WWOX: variants seen among roughly 807,000 people sequenced by gnomAD.
WWOX encodes WW domain-containing oxidoreductase.
In WWOX, 69 loss-of-function variants were observed where a neutral mutation model predicts 46.2. That is an observed-to-expected ratio of 1.49 (90% CI 1.23 to 1.82). WWOX has a LOEUF of 1.82. WWOX is among the 40% of genes most tolerant of loss of function. The pLI is 0.00. For synonymous variants in WWOX, 359 were observed against 202.6 expected, an observed-to-expected ratio of 1.77 and a Z score of -6.56; for missense variants, 919 against 542.6, an observed-to-expected ratio of 1.69 and a Z score of -6.89.
At chr16:78,942,990 A>G (rs770650736) in intron 8 of WWOX, among the ~76,000 whole-genome samples, 3 of 152,230 alleles carry the variant, frequency 2.0e-5, no homozygotes, top group Non-Finnish European at 4.4e-5. Context: ...TATCAGATCA[A>G]CTTTGAATGA....
chr16:79,152,033 G>C (rs899564995), intron 8 of WWOX, among the ~76,000 whole-genome samples: 1 of 152,122 alleles, frequency 6.6e-6, no homozygotes, highest in Non-Finnish European at 1.5e-5. Context: ...AGCAGAAGTT[G>C]GGAATCATAG....
chr16:78,987,268 T>G (rs551913955), intron 8 of WWOX, among the ~76,000 whole-genome samples: 6 of 152,224 alleles, frequency 3.9e-5, no homozygotes, highest in Non-Finnish European at 7.3e-5. Context: ...ATTGATTGCT[T>G]TAGGTTCCAT....
chr16:78,719,065 G>T (rs141836355), intron 8 of WWOX, among the ~76,000 whole-genome samples: 1 of 152,178 alleles, frequency 6.6e-6, no homozygotes, highest in South Asian at 2.1e-4. Context: ...CAGAGCTAAA[G>T]GGTATTGGTG....
chr16:78,375,707 G>A (rs764909084), intron 5 of WWOX, among the ~76,000 whole-genome samples: 3 of 151,944 alleles, frequency 2.0e-5, no homozygotes, highest in Non-Finnish European at 4.4e-5. Context: ...TCTACTTCCA[G>A]GAATTCATCT....
At chr16:78,859,409 A>T (rs942206356) in intron 8 of WWOX, among the ~76,000 whole-genome samples, 171 of 152,104 alleles carry the variant, frequency 1.1e-3, no homozygotes, top group African/African-American at 4.0e-3. Context: ...TACTTTTGGG[A>T]ATCTTACCAG....
At chr16:78,333,494 T>C (rs1350397154) in intron 5 of WWOX, among the ~76,000 whole-genome samples, 3 of 152,180 alleles carry the variant, frequency 2.0e-5, no homozygotes, top group African/African-American at 7.2e-5. Flanking sequence ...TAAAAAATAT[T>C]TTGACAGAAT....
At chr16:78,958,812 G>A (rs1035413768) in intron 8 of WWOX, among the ~76,000 whole-genome samples, 16 of 152,286 alleles carry the variant, frequency 1.1e-4, no homozygotes, top group Middle Eastern at 3.4e-3. Context: ...GGGGTAGTGG[G>A]CACAGGGGAA....
chr16:78,316,082 C>A (rs374099270), intron 5 of WWOX, among the ~76,000 whole-genome samples: 2 of 150,582 alleles, frequency 1.3e-5, no homozygotes. Context: ...CCTGTCTCTA[C>A]TGAAAATAAA....
At chr16:78,429,456 G>A (rs965039133) in intron 7 of WWOX, among the ~76,000 whole-genome samples, 6 of 152,162 alleles carry the variant, frequency 3.9e-5, no homozygotes, top group African/African-American at 1.2e-4. Context: ...ATTATGGAGA[G>A]CTTCCTGGAA....
chr16:78,852,547 C>T (rs1211074654), intron 8 of WWOX, among the ~76,000 whole-genome samples: 2 of 152,144 alleles, frequency 1.3e-5, no homozygotes, highest in East Asian at 3.9e-4. Context: ...TGGATGACCA[C>T]AGATGAAATG....
intron 8 of WWOX, among the ~76,000 whole-genome samples, chr16:78,633,126 G>C (rs2046478058): frequency 6.6e-6 from 1 of 152,116 alleles, no homozygotes; most frequent in South Asian, 2.1e-4. Flanking sequence ...GCCGGGTGTG[G>C]TGGCGTGTGC....
chr16:78,249,923 A>G (rs969700426), intron 5 of WWOX, among the ~76,000 whole-genome samples: 13 of 152,158 alleles, frequency 8.5e-5, no homozygotes, highest in Non-Finnish European at 1.8e-4. Flanking sequence ...AGCAAAGAGA[A>G]CTCAGAAAGT....
At chr16:79,148,501 C>A (rs1002985324) in intron 8 of WWOX, among the ~76,000 whole-genome samples, 2 of 152,078 alleles carry the variant, frequency 1.3e-5, no homozygotes, top group Non-Finnish European at 2.9e-5. Context: ...TAGAGTGATT[C>A]TTCTCACTGT....
chr16:79,173,640 G>GA (rs57035134), intron 8 of WWOX, among the ~76,000 whole-genome samples: 1,898 of 138,048 alleles, frequency 0.014, 35 homozygotes, highest in African/African-American at 0.042. Flanking sequence ...AAAATTTGAA[G>GA]AAAAAAAAAA....
intron 8 of WWOX, among the ~76,000 whole-genome samples, chr16:78,787,290 A>G (rs1034280311): frequency 2.6e-5 from 4 of 152,206 alleles, no homozygotes; most frequent in Non-Finnish European, 5.9e-5. Context: ...ATCCCCCGCT[A>G]AAGAAACACC....
At position 78,638,690 on chromosome 16, in the gene WWOX, T is replaced by C. The variant is rs145565117; in HGVS notation, c.1056+205938T>C. On this transcript the variant is annotated intron_variant, in intron 8 of 8. Transcript: ENST00000566780. ...GGCGGTCAGAGGAGAGATAGAGCAC[T>C]TCAGATTCCAATCGAATACATTAGA... is the stretch of plus-strand genomic sequence containing the variant. Among the ~76,000 whole-genome samples the C allele has an allele frequency of 1.1e-3, 167 of 152,270 alleles. 1 individual carries two copies. Among genetic ancestry groups the C allele is most frequent in the African/African-American group, 3.9e-3 (161 of 41,552 alleles).
At chr16:79,098,183 C>T (rs2049115707) in intron 8 of WWOX, among the ~76,000 whole-genome samples, 1 of 152,172 alleles carries the variant, frequency 6.6e-6, no homozygotes, top group African/African-American at 2.4e-5. Context: ...ACACAGATGC[C>T]TGGGCCTCAC....
intron 8 of WWOX, among the ~76,000 whole-genome samples, chr16:78,456,041 G>C (rs1431416990): frequency 6.6e-6 from 1 of 152,168 alleles, no homozygotes; most frequent in Non-Finnish European, 1.5e-5. Flanking sequence ...ACTACCGAAG[G>C]AGCTTAGAGG....
chr16:78,629,612 C>G lies in WWOX; in HGVS notation c.1056+196860C>G, dbSNP rs547158181. On this transcript the variant is annotated intron_variant, in intron 8 of 8. Coordinates refer to ENST00000566780, the MANE Select transcript of WWOX (RefSeq NM_016373.4). ...AACCTCTGCAGCTTACTTTGTACCA[C>G]TTTCCCCAGAAACCTGCTACCTACC... is the stretch of plus-strand genomic sequence containing the variant. 3.3e-5 allele frequency among the ~76,000 whole-genome samples: 5 copies of G among 152,328 alleles called. No homozygotes were observed. In the South Asian group the frequency reaches 8.3e-4, roughly 25 times the overall value.
Sources: gnomAD v4.1 joint callset for allele counts (sites outside exome capture counted in the v4.1 genomes callset) on GRCh38, gnomAD v4.1.1 for gene constraint, MANE v1.5 for transcripts, NCBI Gene and HGNC (gene_info 2026-07-23, HGNC 2026-07-21) for gene names.